DZIP1L: variants seen among roughly 807,000 people sequenced by gnomAD.
DZIP1L encodes DAZ interacting zinc finger protein 1 like.
DZIP1L carries 90 observed loss-of-function variants against 88.7 expected under a neutral mutation model. The observed-to-expected ratio is 1.02, with a 90% confidence interval of 0.86 to 1.21. The LOEUF is 1.21. Among genes scored for constraint, DZIP1L ranks in the 50% most tolerant of loss-of-function variants. The probability of loss-of-function intolerance (pLI) is 0.00; values close to 1 mark genes in which losing one functional copy is unlikely to be tolerated. For synonymous variants in DZIP1L, 363 were observed against 372.1 expected (o/e 0.98, Z 0.28); for missense variants, 932 against 955.8 (o/e 0.98, Z 0.33).
chr3:138,101,842 T>C (rs777046821), intron 2 of DZIP1L: 2 of 1,307,872 alleles, frequency 1.5e-6, no homozygotes, highest in Non-Finnish European at 2.2e-6. Context: ...CATGTCCTGC[T>C]TGGCCCGCTG....
chr3:138,089,353 G>T, intron 5 of DZIP1L: 1 of 788,538 alleles, frequency 1.3e-6, no homozygotes, highest in Non-Finnish European at 1.5e-6. Context: ...TCCATATGCT[G>T]CTTATGACAC....
intron 1 of DZIP1L, among the ~76,000 whole-genome samples, chr3:138,105,750 A>G (rs1450205942): frequency 6.6e-6 from 1 of 152,176 alleles, no homozygotes; most frequent in African/African-American, 2.4e-5. Context: ...ATACACACAC[A>G]TACATATGAA....
At chr3:138,068,855 T>TG in intron 12 of DZIP1L, 1 of 1,180,096 alleles carries the variant, frequency 8.5e-7, no homozygotes, top group Non-Finnish European at 1.1e-6. Context: ...GGCAGGCAAT[T>TG]GGACACAGCC....
At chr3:138,101,916 C>T in intron 2 of DZIP1L, 1 of 1,457,500 alleles carries the variant, frequency 6.9e-7, no homozygotes, top group Non-Finnish European at 9.6e-7. Context: ...CCCCACGTTG[C>T]TCGGCATCTG....
chr3:138,106,572 G>A (rs1160043523), intron 1 of DZIP1L, among the ~76,000 whole-genome samples: 2 of 151,810 alleles, frequency 1.3e-5, no homozygotes, highest in African/African-American at 2.4e-5. Context: ...AGTGGCTCAC[G>A]CCTGTAATCC....
intron 7 of DZIP1L, among the ~76,000 whole-genome samples, chr3:138,086,582 G>C (rs956670738): frequency 1.3e-5 from 2 of 152,146 alleles, no homozygotes; most frequent in Non-Finnish European, 2.9e-5. Flanking sequence ...ACAGCCGCCT[G>C]GTTCTCTCCT....
At chr3:138,095,631 A>C (rs938102543) in intron 3 of DZIP1L, among the ~76,000 whole-genome samples, 8 of 152,158 alleles carry the variant, frequency 5.3e-5, no homozygotes, top group Middle Eastern at 3.4e-3. Flanking sequence ...ATACAAAAAA[A>C]ATTAGCCGGG....
At chr3:138,114,888 C>G (rs571556850) in intron 1 of DZIP1L, among the ~76,000 whole-genome samples, 6 of 152,332 alleles carry the variant, frequency 3.9e-5, no homozygotes, top group Admixed American at 6.5e-5. Context: ...ACGAAAGATG[C>G]CAATGCGATT....
Position 138,094,899 on chromosome 3 carries a change from T to G in DZIP1L, c.671A>C (p.Glu224Ala). 1 of 1,614,262 alleles carries G rather than the reference T, an allele frequency of 6.2e-7. No homozygotes were observed. Among genetic ancestry groups the G allele is most frequent in the Non-Finnish European group, 8.5e-7 (1 of 1,180,040 alleles). ...AKLKWTQGELEAQREAERQRQ... is the reference protein window; with the variant it reads ...AKLKWTQGELAAQREAERQRQ... ...CTGCCTCTCCGCCTCCCTCTGGGCT[T>G]CCAGCTCCCCTTGGGTCCACTTTAG... Residue 224 changes from glutamate to alanine, a missense_variant, in exon 4 of 16, where the codon GAA becomes GCA. Transcript: ENST00000327532.
At chr3:138,080,151 A>G (rs618553) in intron 10 of DZIP1L, among the ~76,000 whole-genome samples, 100,409 of 152,012 alleles carry the variant, frequency 0.66, 33,500 homozygotes, top group Non-Finnish European at 0.7. Context: ...TGTGGGACCT[A>G]TCTGCAGCAC....
At chr3:138,112,328 T>C (rs1292577104) in intron 1 of DZIP1L, 1 of 152,196 alleles carries the variant, frequency 6.6e-6, no homozygotes, top group African/African-American at 2.4e-5. Context: ...ATTATAATGA[T>C]ATACAAATTA....
At chr3:138,101,048 A>G (rs2042289937) in intron 2 of DZIP1L, among the ~76,000 whole-genome samples, 1 of 152,042 alleles carries the variant, frequency 6.6e-6, no homozygotes, top group Non-Finnish European at 1.5e-5. Context: ...CTACATACAC[A>G]TACAAATCCT....
chr3:138,064,863 G>A, intron 14 of DZIP1L, 96 bp from the exon 15 acceptor site: 2 of 1,499,268 alleles, frequency 1.3e-6, no homozygotes, highest in East Asian at 2.3e-5. Flanking sequence ...GTGGATAGAG[G>A]GAATGAGCAG....
At position 138,062,725 on chromosome 3, in the gene DZIP1L, A is replaced by G; in HGVS notation, c.*91T>C. ...AGGATGATCTCTTGGTTGTTTGTGA[A>G]GACAAGAGGCCCAGCAGCCTCTTCT... is the stretch of plus-strand genomic sequence containing the variant. On this transcript the variant is annotated 3_prime_UTR_variant, in exon 16 of 16. Coordinates refer to ENST00000327532, the MANE Select transcript of DZIP1L (RefSeq NM_173543.3). 5 of 1,426,126 alleles carry G rather than the reference A, an allele frequency of 3.5e-6. No homozygotes were observed. Among genetic ancestry groups the G allele is most frequent in the South Asian group, 1.2e-5 (1 of 82,200 alleles). 88.3% of individuals were successfully genotyped at this position (1,426,126 alleles called of 1,614,324 possible).
chr3:138,068,086 C>A, intron 13 of DZIP1L, 65 bp downstream of exon 13: 2 of 1,374,868 alleles, frequency 1.5e-6, no homozygotes, highest in Non-Finnish European at 1.9e-6. Context: ...GAGCCCAGAA[C>A]AGGACTGCCT....
intron 2 of DZIP1L, among the ~76,000 whole-genome samples, chr3:138,098,944 G>A (rs1200627934): frequency 2.6e-5 from 4 of 152,002 alleles, no homozygotes; most frequent in African/African-American, 7.3e-5. Flanking sequence ...CCAGGAGTTC[G>A]AGACCAGCCC....
chr3:138,104,086 G>C (rs996214061), intron 1 of DZIP1L, 34 bp from the exon 2 acceptor site: 9 of 1,481,962 alleles, frequency 6.1e-6, no homozygotes, highest in Non-Finnish European at 8.0e-6. Context: ...AGTTAGGTGA[G>C]GTGTGTGTGG....
rs558931668 is a variant in DZIP1L, at chr3:138,093,837, G to A, written c.708+1025C>T. 1.9e-4 allele frequency among the ~76,000 whole-genome samples: 29 copies of A among 152,310 alleles called. 1 individual carries two copies. In the South Asian group the frequency reaches 6.0e-3, roughly 32 times the overall value. ...TGCTTTGGATTAGGCTTTGGCTTAA[G>A]GGAATTTTGTGGCCGGTTTGATCTT... On this transcript the variant is annotated intron_variant, in intron 4 of 15. Coordinates refer to ENST00000327532, the MANE Select transcript of DZIP1L (RefSeq NM_173543.3).
At chr3:138,101,559 G>C in intron 2 of DZIP1L, 1 of 799,974 alleles carries the variant, frequency 1.3e-6, no homozygotes, top group Non-Finnish European at 2.2e-6. Context: ...CAGTGGCCCT[G>C]GTGGAGCTGG....
Sources: gnomAD v4.1 joint callset for allele counts (sites outside exome capture counted in the v4.1 genomes callset) on GRCh38, gnomAD v4.1.1 for gene constraint, MANE v1.5 for transcripts, NCBI Gene and HGNC (gene_info 2026-07-23, HGNC 2026-07-21) for gene names.